The following TEX9 variants were observed in gnomAD, a reference collection of about 807,000 sequenced individuals.
The protein encoded by TEX9 is testis expressed 9, also known as testis-expressed protein 9.
In TEX9, 74 loss-of-function variants were observed where a neutral mutation model predicts 59.6. That is an observed-to-expected ratio of 1.24 (90% CI 1.03 to 1.51). The LOEUF is 1.51. TEX9 is among the 40% of genes most tolerant of loss of function. The pLI is 0.00. For missense variants in TEX9, 522 were observed against 447.8 expected, an observed-to-expected ratio of 1.17 and a Z score of -1.49; for synonymous variants, 186 against 152.2, an observed-to-expected ratio of 1.22 and a Z score of -1.64.
At chr15:56,383,684 G>A (rs1276074315) in intron 3 of TEX9, among the ~76,000 whole-genome samples, 4 of 152,110 alleles carry the variant, frequency 2.6e-5, no homozygotes, top group Admixed American at 1.3e-4. Flanking sequence ...AAAGGGCTGG[G>A]GAAACTGGAG....
rs146623639 is a variant in TEX9 at position 56,268,994 on chromosome 15, A to C, written c.-107+24716A>C. Among the ~76,000 whole-genome samples, 15 of 152,162 alleles carry C rather than the reference A, an allele frequency of 9.9e-5. 1 individual carries two copies. The South Asian group carries it at 1.7e-3, about 17-fold the overall frequency. On this transcript the variant is annotated intron_variant, in intron 1 of 5. Coordinates refer to the TEX9 transcript ENST00000560827. ...TTGGTAGGCTATTAATGATTGCCTC[A>C]ATTTCAGATCCTGTTATTGGTCTAT...
chr15:56,437,620 G>A (rs1249392007), intron 12 of TEX9, among the ~76,000 whole-genome samples: 2 of 152,056 alleles, frequency 1.3e-5, no homozygotes, highest in South Asian at 2.1e-4. Flanking sequence ...GGCCAGGGCA[G>A]TCAGGCAGGA....
intron 12 of TEX9, chr15:56,430,050 A>T (rs2050531737): frequency 6.6e-6 from 1 of 152,206 alleles, no homozygotes; most frequent in Non-Finnish European, 1.5e-5. Context: ...GGCAGTAATT[A>T]CCTATATATC....
Position 56,412,440 on chromosome 15 carries a change from T to C in TEX9, c.963+4T>C. 1.9e-6 allele frequency: 3 copies of C among 1,603,926 alleles called. No homozygotes were observed. Among genetic ancestry groups the C allele is most frequent in the African/African-American group, 1.3e-5 (1 of 74,344 alleles). On this transcript the variant is annotated splice_donor_region_variant and intron_variant, in intron 10 of 12. Transcript: ENST00000352903. The stretch of plus-strand genomic sequence containing the variant: ...TAAATTAAGGCAAAATAACAAGGTA[T>C]GGAAAAATTGAATAGCTTTTGTAGT...
At chr15:56,310,544 G>C (rs1278422083) in intron 1 of TEX9, among the ~76,000 whole-genome samples, 6 of 152,204 alleles carry the variant, frequency 3.9e-5, no homozygotes, top group South Asian at 2.1e-4. Flanking sequence ...AGTAGAGCTT[G>C]GTCAAGGACA....
intron 3 of TEX9, among the ~76,000 whole-genome samples, chr15:56,378,520 T>C (rs2047569387): frequency 6.6e-6 from 1 of 152,154 alleles, no homozygotes; most frequent in African/African-American, 2.4e-5. Context: ...TAGTTGCTCA[T>C]AGTAGCCACT....
the TEX9 span, among the ~76,000 whole-genome samples, chr15:56,455,247 GAAAAAA>G: frequency 2.4e-5 from 2 of 82,892 alleles, no homozygotes; most frequent in Non-Finnish European, 4.7e-5. Context: ...ATCGTCAGGT[GAAAAAA>G]AAAAAAAAAA....
At chr15:56,420,394 G>A (rs1218128424) in intron 10 of TEX9, among the ~76,000 whole-genome samples, 3 of 150,908 alleles carry the variant, frequency 2.0e-5, no homozygotes, top group African/African-American at 4.9e-5. Context: ...TGCAACCTCC[G>A]CCTCCCAGGT....
chr15:56,273,319 GT>G (rs1567069643), intron 1 of TEX9, among the ~76,000 whole-genome samples: 1 of 151,974 alleles, frequency 6.6e-6, no homozygotes, highest in Non-Finnish European at 1.5e-5. Flanking sequence ...CTTTTTAGTG[GT>G]TGACATAGAA....
intron 9 of TEX9, chr15:56,396,489 CTG>C (rs1240565153): frequency 6.6e-6 from 1 of 150,622 alleles, no homozygotes; most frequent in Non-Finnish European, 1.5e-5. Flanking sequence ...AACCACTGAT[CTG>C]TGTTTGGTTC....
chr15:56,288,086 A>G (rs2044996060), intron 1 of TEX9, among the ~76,000 whole-genome samples: 3 of 152,104 alleles, frequency 2.0e-5, no homozygotes, highest in Admixed American at 2.0e-4. Flanking sequence ...TAATTTTTTG[A>G]GCAATCTGCA....
intron 1 of TEX9, among the ~76,000 whole-genome samples, chr15:56,338,267 G>T (rs1403838838): frequency 1.3e-5 from 2 of 152,216 alleles, no homozygotes; most frequent in Admixed American, 6.5e-5. Context: ...TTGCCACTTG[G>T]ATTCTCCTCT....
At chr15:56,393,911 C>T (rs1316038259) in intron 7 of TEX9, 1 of 260,102 alleles carries the variant, frequency 3.8e-6, no homozygotes, top group East Asian at 9.9e-5. Flanking sequence ...GTAGTTTGGA[C>T]CACCCTGGTG....
chr15:56,458,391 T>C, the TEX9 span, among the ~76,000 whole-genome samples: 6 of 152,212 alleles, frequency 3.9e-5, 1 homozygote, highest in African/African-American at 7.2e-5. Flanking sequence ...CTTCCCCTTC[T>C]ATCAGCCTCC....
intron 1 of TEX9, among the ~76,000 whole-genome samples, chr15:56,343,855 A>C (rs146397900): frequency 5.9e-5 from 9 of 152,314 alleles, no homozygotes; most frequent in African/African-American, 2.2e-4. Context: ...CCAGTGGGCA[A>C]AGGATCTGAA....
intron 1 of TEX9, among the ~76,000 whole-genome samples, chr15:56,320,026 T>C (rs1434702544): frequency 6.6e-6 from 1 of 152,176 alleles, no homozygotes; most frequent in African/African-American, 2.4e-5. Context: ...AAACCTTGTG[T>C]CATATTCTTG....
Position 56,422,682 on chromosome 15 carries a change from C to T in TEX9, c.964-4923C>T, listed in dbSNP as rs1273030261. Among the ~76,000 whole-genome samples the T allele has an allele frequency of 3.3e-5, 5 of 151,680 alleles. 1 individual carries two copies. The highest frequency in any genetic ancestry group is 7.3e-5 in the African/African-American group (3 of 41,132). ...GTGGTAAGCTACACATAAGATTTAC[C>T]TTCTTAAACATTTTAAGCATATAGT... On this transcript the variant is annotated intron_variant, in intron 10 of 12. Coordinates refer to ENST00000352903, the Ensembl canonical transcript of TEX9.
intron 10 of TEX9, among the ~76,000 whole-genome samples, chr15:56,422,043 C>G (rs2050001894): frequency 7.2e-6 from 1 of 139,744 alleles, no homozygotes; most frequent in African/African-American, 2.8e-5. Context: ...AATCGCCACA[C>G]TGACTTCCAC....
upstream of TEX9, among the ~76,000 whole-genome samples, chr15:56,364,187 CTT>C (rs2046848829): frequency 6.6e-6 from 1 of 150,642 alleles, no homozygotes; most frequent in East Asian, 1.9e-4. Context: ...GAATTTCGCT[CTT>C]GTTGACCAGG....
Sources: allele counts gnomAD v4.1 joint callset (sites outside exome capture counted in the v4.1 genomes callset), GRCh38; gene constraint gnomAD v4.1.1; transcripts MANE v1.5; gene names NCBI Gene and HGNC (gene_info 2026-07-23, HGNC 2026-07-21).